Variants in WWOX observed in about 807,000 individuals in gnomAD.
The protein encoded by WWOX is WW domain-containing oxidoreductase.
Under a neutral mutation model 46.2 loss-of-function variants are expected in WWOX, and 69 were observed. The ratio of observed to expected loss-of-function variants is 1.49; its 90% CI spans 1.23 to 1.82. The LOEUF (loss-of-function observed/expected upper bound fraction) is 1.82, where lower values mean the gene tolerates loss of function less well. Ranked by LOEUF, WWOX falls within the 40% of genes most tolerant of loss-of-function variation. WWOX has a pLI of 0.00. For missense variants in WWOX, 919 were observed against 542.6 expected (o/e 1.69, Z -6.89); for synonymous variants, 359 against 202.6 (o/e 1.77, Z -6.56).
intron 5 of WWOX, among the ~76,000 whole-genome samples, chr16:78,218,027 C>T (rs1222543617): frequency 1.3e-5 from 2 of 152,086 alleles, no homozygotes; most frequent in Admixed American, 6.5e-5. Context: ...TACTTTCCCT[C>T]TCCCTCCCTG....
At chr16:78,803,251 T>G (rs1447738235) in intron 8 of WWOX, among the ~76,000 whole-genome samples, 6 of 151,926 alleles carry the variant, frequency 3.9e-5, no homozygotes, top group African/African-American at 1.2e-4. Flanking sequence ...AGTTTTTTTT[T>G]TTTTCCTCTC....
intron 8 of WWOX, among the ~76,000 whole-genome samples, chr16:78,612,182 A>G (rs553466661): frequency 1.3e-5 from 2 of 152,350 alleles, no homozygotes; most frequent in African/African-American, 4.8e-5. Flanking sequence ...TTTGGAGAGC[A>G]CTGTTTCCCA....
intron 6 of WWOX, among the ~76,000 whole-genome samples, chr16:78,406,308 AT>A (rs1567553287): frequency 0.11 from 2,206 of 20,012 alleles, 52 homozygotes; most frequent in African/African-American, 0.23. Context: ...ATATAAATAT[AT>A]ATATATATAT....
chr16:78,145,756 C>T (rs1054253178), intron 4 of WWOX, among the ~76,000 whole-genome samples: 5 of 152,128 alleles, frequency 3.3e-5, no homozygotes, highest in African/African-American at 1.2e-4. Context: ...GTGCTGTGTC[C>T]AGATTTCCCC....
At chr16:79,188,018 A>G (rs2051054214) in intron 8 of WWOX, among the ~76,000 whole-genome samples, 2 of 152,176 alleles carry the variant, frequency 1.3e-5, no homozygotes, top group African/African-American at 2.4e-5. Context: ...GTGCTCTTCA[A>G]ACACAAATTC....
rs200856077 is a variant in WWOX at position 78,476,183 on chromosome 16, G to A, written c.1056+43431G>A. On this transcript the variant is annotated intron_variant, in intron 8 of 8. Coordinates refer to ENST00000566780, the MANE Select transcript of WWOX (RefSeq NM_016373.4). ...TGGAGCATCTAACTGGTGTGAGATG[G>A]TATCTCATTGTGGTTTTGATTTGCA... 6.6e-5 allele frequency among the ~76,000 whole-genome samples: 10 copies of A among 152,234 alleles called. No individual in the cohort carries two copies. In the East Asian group the frequency reaches 1.9e-3, roughly 29 times the overall value.
intron 8 of WWOX, among the ~76,000 whole-genome samples, chr16:78,908,914 G>A (rs1434951518): frequency 1.3e-5 from 2 of 152,220 alleles, no homozygotes; most frequent in African/African-American, 4.8e-5. Flanking sequence ...GAATCTTGCA[G>A]CCTCCGGCAG....
chr16:78,748,091 G>A (rs1196730863), intron 8 of WWOX, among the ~76,000 whole-genome samples: 1 of 152,054 alleles, frequency 6.6e-6, no homozygotes, highest in Admixed American at 6.6e-5. Context: ...CACAGACTCT[G>A]CTCTTTCTCT....
At chr16:78,391,661 A>G (rs1442585102) in intron 6 of WWOX, among the ~76,000 whole-genome samples, 1 of 152,190 alleles carries the variant, frequency 6.6e-6, no homozygotes, top group Non-Finnish European at 1.5e-5. Flanking sequence ...CAGCCTGGCC[A>G]ACATGGCAAA....
At chr16:78,912,902 C>T (rs975557046) in intron 8 of WWOX, among the ~76,000 whole-genome samples, 1 of 151,970 alleles carries the variant, frequency 6.6e-6, no homozygotes, top group Non-Finnish European at 1.5e-5. Flanking sequence ...AAAACACTAT[C>T]CATTAGCAAG....
chr16:78,402,569 C>G (rs1382488368), intron 6 of WWOX, among the ~76,000 whole-genome samples: 1 of 152,122 alleles, frequency 6.6e-6, no homozygotes. Flanking sequence ...CACCAACCCC[C>G]TTTCTGAGCC....
At chr16:78,962,885 T>A (rs2046297622) in intron 8 of WWOX, among the ~76,000 whole-genome samples, 1 of 152,212 alleles carries the variant, frequency 6.6e-6, no homozygotes, top group Admixed American at 6.5e-5. Flanking sequence ...ATATAAATAG[T>A]CACCCAGTAC....
chr16:78,736,553 C>A (rs561088419), intron 8 of WWOX, among the ~76,000 whole-genome samples: 15 of 151,588 alleles, frequency 9.9e-5, no homozygotes, highest in Non-Finnish European at 1.8e-4. Flanking sequence ...ACAATGTTTT[C>A]CTTTTCTTCT....
At chr16:79,028,672 C>A (rs940586448) in intron 8 of WWOX, among the ~76,000 whole-genome samples, 3 of 151,668 alleles carry the variant, frequency 2.0e-5, no homozygotes, top group African/African-American at 7.3e-5. Context: ...TTTCTTTCGA[C>A]ATTACACATA....
At chr16:78,410,062 G>A (rs190724929) in intron 6 of WWOX, among the ~76,000 whole-genome samples, 4 of 152,110 alleles carry the variant, frequency 2.6e-5, no homozygotes, top group Admixed American at 1.3e-4. Flanking sequence ...CATGACTTAC[G>A]GCCATCCCTT....
intron 8 of WWOX, among the ~76,000 whole-genome samples, chr16:78,724,913 C>T (rs568195168): frequency 1.3e-5 from 2 of 152,170 alleles, no homozygotes; most frequent in Non-Finnish European, 2.9e-5. Context: ...AGGCTGAGCA[C>T]CTAGTAGTGA....
At chr16:78,521,739 C>T (rs966358627) in intron 8 of WWOX, among the ~76,000 whole-genome samples, 3 of 151,746 alleles carry the variant, frequency 2.0e-5, no homozygotes, top group African/African-American at 7.3e-5. Context: ...GAGTATCTCT[C>T]AAAATATTAG....
rs75887207 is a variant in WWOX at position 79,120,487 on chromosome 16, C to G, written c.1057-91121C>G. Among the ~76,000 whole-genome samples the G allele has an allele frequency of 3.9e-3, 594 of 152,206 alleles. 3 individuals carry two copies. The highest frequency in any genetic ancestry group is 0.013 in the African/African-American group (556 of 41,540). ...GCAGCAAAATATATCTCACATGGTGCCCAGAGCAAAGGACCCTGTGCTAGT... is the reference window on the plus strand; with the variant it reads ...GCAGCAAAATATATCTCACATGGTGGCCAGAGCAAAGGACCCTGTGCTAGT... On this transcript the variant is annotated intron_variant, in intron 8 of 8. Coordinates refer to ENST00000566780, the MANE Select transcript of WWOX (RefSeq NM_016373.4).
At chr16:78,197,236 C>G (rs771645077) in intron 5 of WWOX, among the ~76,000 whole-genome samples, 4 of 152,162 alleles carry the variant, frequency 2.6e-5, no homozygotes, top group Non-Finnish European at 5.9e-5. Context: ...ATTGCTGGCA[C>G]CCAGATTGAG....
Sources: gnomAD v4.1 joint callset for allele counts (sites outside exome capture counted in the v4.1 genomes callset) on GRCh38, gnomAD v4.1.1 for gene constraint, MANE v1.5 for transcripts, NCBI Gene and HGNC (gene_info 2026-07-23, HGNC 2026-07-21) for gene names.